PLEKHA7: variants seen among roughly 807,000 people sequenced by gnomAD.
The protein encoded by PLEKHA7 is pleckstrin homology domain-containing family A member 7.
In PLEKHA7, 104 loss-of-function variants were observed where a neutral mutation model predicts 170.0. That is an observed-to-expected ratio of 0.61 (90% CI 0.52 to 0.72). The LOEUF is 0.72. Among genes scored for constraint, PLEKHA7 ranks in the 30% least tolerant of loss-of-function variants. The pLI is 0.00. For missense variants in PLEKHA7, 1,615 were observed against 1,671.7 expected (o/e 0.97, Z 0.59); for synonymous variants, 648 against 660.8 (o/e 0.98, Z 0.30).
chr11:16,833,576 A>C (rs530531431), intron 9 of PLEKHA7, among the ~76,000 whole-genome samples: 1 of 151,966 alleles, frequency 6.6e-6, no homozygotes, highest in Non-Finnish European at 1.5e-5. Flanking sequence ...TGGGAGATAC[A>C]TTTTTTTAAT....
At chr11:16,972,170 T>C (rs1017594227) in intron 3 of PLEKHA7, among the ~76,000 whole-genome samples, 3 of 152,194 alleles carry the variant, frequency 2.0e-5, no homozygotes, top group African/African-American at 7.2e-5. Flanking sequence ...TCTCCCTCGC[T>C]GGAGTGCAGT....
chr11:16,931,810 C>T (rs1229215360), intron 3 of PLEKHA7, among the ~76,000 whole-genome samples: 2 of 148,072 alleles, frequency 1.4e-5, no homozygotes, highest in African/African-American at 5.0e-5. Flanking sequence ...CAGAATCCAA[C>T]TGGAACCTCT....
rs1849598234 is a variant in PLEKHA7 at position 16,789,024 on chromosome 11, T to C, written c.3357+72A>G. ...TCTCTCACTGGGAGGTGTGATGTGC[T>C]TGTGTTTGGGGGACTCTGAGGGGCA... On this transcript the variant is annotated intron_variant, in intron 23 of 26. Transcript: ENST00000531066. This position sits in a 1 kb window ranked among gnomAD's most constrained non-coding sequence, Gnocchi z 4.6. 1.3e-6 allele frequency: 2 copies of C among 1,522,654 alleles called. No homozygotes were observed. The highest frequency in any genetic ancestry group is 1.8e-6 in the Non-Finnish European group (2 of 1,131,900). 94.3% of individuals were successfully genotyped at this position (1,522,654 alleles called of 1,614,324 possible).
At position 16,817,292 on chromosome 11, in the gene PLEKHA7, C is replaced by T. The variant is rs1849843743; in HGVS notation, c.1374G>A (p.Gln458=). 1 of 1,612,342 alleles carries T rather than the reference C, an allele frequency of 6.2e-7. No homozygotes were observed. Among genetic ancestry groups the T allele is most frequent in the Non-Finnish European group, 8.5e-7 (1 of 1,179,902 alleles). The change falls in exon 11 of 27, where the codon CAG becomes CAA. Residue 458 remains glutamine (Q), a synonymous_variant. Transcript: ENST00000531066. The surrounding 1 kb of genome is among the most constrained non-coding windows in gnomAD (Gnocchi z 4.4). The part of the protein sequence containing the change: ...SLPLDQTLPR[Q]GPGQSLSFPE... ...GGAAGGACAGGGATTGGCCAGGACC[C>T]TGGCGAGGAAGCGTCTGGTCCAAGG...
intron 1 of PLEKHA7, 52 bp downstream of exon 1, chr11:17,014,264 C>T: frequency 1.4e-6 from 2 of 1,393,678 alleles, no homozygotes; most frequent in Admixed American, 3.7e-5. Flanking sequence ...GCCCGGCCCC[C>T]GCCCCCGCGC....
At chr11:16,920,260 C>T (rs1425874637) in intron 3 of PLEKHA7, among the ~76,000 whole-genome samples, 4 of 152,172 alleles carry the variant, frequency 2.6e-5, no homozygotes, top group South Asian at 2.1e-4. Context: ...CATCTCTTTC[C>T]CCTACAGTGC....
At chr11:16,852,034 A>G (rs1853009834) in intron 7 of PLEKHA7, among the ~76,000 whole-genome samples, 1 of 152,218 alleles carries the variant, frequency 6.6e-6, no homozygotes, top group African/African-American at 2.4e-5. Flanking sequence ...CAGGTTACAA[A>G]ACACAATCAA....
intron 3 of PLEKHA7, among the ~76,000 whole-genome samples, chr11:16,999,397 C>T (rs977023471): frequency 2.0e-5 from 3 of 152,036 alleles, no homozygotes; most frequent in Non-Finnish European, 4.4e-5. Flanking sequence ...TGCACACCTA[C>T]CCCCAGGCAG....
chr11:16,928,702 G>A (rs760046045), intron 3 of PLEKHA7, among the ~76,000 whole-genome samples: 20 of 151,804 alleles, frequency 1.3e-4, no homozygotes, highest in African/African-American at 4.6e-4. Context: ...TGATCCTCCC[G>A]CCCTGCCCTC....
At chr11:17,005,171 T>A (rs1412338153) in intron 3 of PLEKHA7, among the ~76,000 whole-genome samples, 2 of 152,180 alleles carry the variant, frequency 1.3e-5, no homozygotes, top group Non-Finnish European at 2.9e-5. Flanking sequence ...CTGTTTAAAG[T>A]GCTGTCTTAA....
At chr11:16,782,031 C>A (rs770015937) in intron 26 of PLEKHA7, among the ~76,000 whole-genome samples, 1 of 152,114 alleles carries the variant, frequency 6.6e-6, no homozygotes, top group African/African-American at 2.4e-5. Flanking sequence ...GAGGAGCCTG[C>A]GGTCTCCTTC....
intron 4 of PLEKHA7, among the ~76,000 whole-genome samples, chr11:16,864,591 T>C (rs1225809386): frequency 6.6e-6 from 1 of 152,206 alleles, no homozygotes; most frequent in Non-Finnish European, 1.5e-5. Flanking sequence ...AATTGAATCA[T>C]GGCAATGGGT....
chr11:16,976,589 T>C (rs1432778528), intron 3 of PLEKHA7, among the ~76,000 whole-genome samples: 1 of 152,218 alleles, frequency 6.6e-6, no homozygotes. Context: ...TTCCCTCTTA[T>C]GAAGGTGGTT....
chr11:16,784,997 G>C (rs1167088425), intron 24 of PLEKHA7, among the ~76,000 whole-genome samples: 1 of 152,202 alleles, frequency 6.6e-6, no homozygotes, highest in Non-Finnish European at 1.5e-5. Flanking sequence ...GGCTGTTTCA[G>C]ATGGCAAAGG....
chr11:16,805,789 C>CAAAAAAAAAAAAAAAAAA (rs11339921), intron 13 of PLEKHA7, among the ~76,000 whole-genome samples: 1 of 111,224 alleles, frequency 9.0e-6, no homozygotes, highest in African/African-American at 3.6e-5. Flanking sequence ...GACTCCATGT[C>CAAAAAAAAAAAAAAAAAA]AAAAAAAAAA....
chr11:16,979,781 C>T (rs2136827789), intron 3 of PLEKHA7, among the ~76,000 whole-genome samples: 1 of 152,190 alleles, frequency 6.6e-6, no homozygotes, highest in Non-Finnish European at 1.5e-5. Flanking sequence ...TCTTGAGTCG[C>T]AGCAATTCTC....
intron 3 of PLEKHA7, among the ~76,000 whole-genome samples, chr11:16,946,195 G>C (rs1432938182): frequency 6.6e-6 from 1 of 152,224 alleles, no homozygotes; most frequent in Non-Finnish European, 1.5e-5. Context: ...GAGACCTAAA[G>C]GTGGGCAATG....
chr11:16,901,554 C>T (rs113136725), intron 3 of PLEKHA7, among the ~76,000 whole-genome samples: 1,945 of 152,246 alleles, frequency 0.013, 37 homozygotes, highest in African/African-American at 0.042. Context: ...ATAGAATTCA[C>T]ATGTCAAACA....
At chr11:16,821,063 T>C (rs529364276) in intron 10 of PLEKHA7, among the ~76,000 whole-genome samples, 32 of 152,266 alleles carry the variant, frequency 2.1e-4, no homozygotes, top group South Asian at 8.3e-4. Context: ...AAGGTCTCCT[T>C]ATACCATGCT....
Sources: allele counts gnomAD v4.1 joint callset (sites outside exome capture counted in the v4.1 genomes callset), GRCh38; gene constraint gnomAD v4.1.1; non-coding constraint Gnocchi (gnomAD v3.1); transcripts MANE v1.5; gene names NCBI Gene and HGNC (gene_info 2026-07-23, HGNC 2026-07-21).